Variants in CDK11B observed in about 807,000 individuals in gnomAD.
CDK11B encodes cyclin dependent kinase 11B, also known as cyclin-dependent kinase 11B.
Under a neutral mutation model 84.0 loss-of-function variants are expected in CDK11B, and 37 were observed. That is an observed-to-expected ratio of 0.44 (90% CI 0.34 to 0.58). The LOEUF (loss-of-function observed/expected upper bound fraction) is 0.58. Ranked by LOEUF, CDK11B falls within the 20% of genes least tolerant of loss-of-function variation. The pLI is 0.02. For missense variants in CDK11B, 427 were observed against 834.0 expected (o/e 0.51, Z 6.01); for synonymous variants, 269 against 309.8 (o/e 0.87, Z 1.38).
At chr1:1,653,863 C>CACACACAAA (rs761317190) in intron 3 of CDK11B, among the ~76,000 whole-genome samples, 2 of 132,942 alleles carry the variant, frequency 1.5e-5, no homozygotes, top group South Asian at 2.2e-4. Flanking sequence ...CACACACACA[C>CACACACAAA]CCGAGCGTGG....
At chr1:1,649,035 C>G (rs1641544000) in intron 5 of CDK11B, among the ~76,000 whole-genome samples, 1 of 152,216 alleles carries the variant, frequency 6.6e-6, no homozygotes, top group Non-Finnish European at 1.5e-5. Flanking sequence ...GGACAGTTCT[C>G]TTGGTCAGCC....
At chr1:1,656,835 T>G (rs1331444290) in intron 2 of CDK11B, among the ~76,000 whole-genome samples, 1 of 152,160 alleles carries the variant, frequency 6.6e-6, no homozygotes, top group Non-Finnish European at 1.5e-5. Flanking sequence ...TTGGAAAAAT[T>G]TCAATATCTG....
At position 1,636,919 on chromosome 1, in the gene CDK11B, G is replaced by A. The variant is rs1557656551; in HGVS notation, c.1778C>T (p.Pro593Leu). The change falls in exon 16 of 20, where the codon CCA becomes CTA. Residue 593 changes from proline to leucine, a missense_variant. This residue lies in a region of CDK11B where 170 missense variants were observed against 196.0 expected (regional missense o/e 0.87). Transcript: ENST00000341832. The part of the protein sequence containing the change: ...PVVVTLWYRA[P>L]ELLLGAKEYS... ...CACCTTGGCACCAAGCAGCAGCTCT[G>A]GGGCGCGGTACCACAGGGTCACCAC... 1 of 1,606,242 alleles carries A rather than the reference G, an allele frequency of 6.2e-7. No individual in the cohort carries two copies. The highest frequency in any genetic ancestry group is 2.2e-5 in the East Asian group (1 of 44,742).
chr1:1,636,327 G>A lies in CDK11B; in HGVS notation c.2066+6C>T. Reference sequence around the variant, plus strand: ...ACCTCCCGCCACCCGGCTGCACTGGGCTCACTTGTTCATGAGGTCGAAGCC... The same window carrying A: ...ACCTCCCGCCACCCGGCTGCACTGGACTCACTTGTTCATGAGGTCGAAGCC... On this transcript the variant is annotated splice_donor_region_variant and intron_variant, in intron 18 of 19. Coordinates refer to ENST00000341832, the MANE Select transcript of CDK11B (RefSeq NM_033486.3). 1.3e-6 allele frequency: 2 copies of A among 1,563,634 alleles called. No homozygotes were observed. The highest frequency in any genetic ancestry group is 1.7e-6 in the Non-Finnish European group (2 of 1,155,238).
chr1:1,640,083 C>A (rs1298939874), intron 11 of CDK11B, among the ~76,000 whole-genome samples, 194 bp downstream of exon 11: 1 of 151,786 alleles, frequency 6.6e-6, no homozygotes, highest in Non-Finnish European at 1.5e-5. Context: ...CCACCCAGTT[C>A]CGTCCAGCAT....
chr1:1,650,876 G>A (rs1339575330), intron 4 of CDK11B, among the ~76,000 whole-genome samples: 1 of 151,722 alleles, frequency 6.6e-6, no homozygotes, highest in Non-Finnish European at 1.5e-5. Flanking sequence ...GAAGAAAGAA[G>A]AAAAAAGAAA....
rs888845003 is a variant in CDK11B, at chr1:1,658,947, G to A, written c.-47C>T. On this transcript the variant is annotated 5_prime_UTR_variant, in exon 1 of 20. Coordinates refer to ENST00000341832, the MANE Select transcript of CDK11B (RefSeq NM_033486.3). ...CGCCGCCGCTGCCGCCGCCGCCGCC[G>A]CCGGTCCCGGAGCCAGAGAAGAAAC... The A allele has an allele frequency of 8.7e-5, 18 of 206,316 alleles. No homozygotes were observed. Among genetic ancestry groups the A allele is most frequent in the Admixed American group, 3.7e-4 (6 of 16,134 alleles). The allele number at this position is 206,316 out of a possible 1,614,324, so 12.8% of individuals were successfully genotyped here.
chr1:1,652,644 A>G, intron 3 of CDK11B, 78 bp from the exon 4 acceptor site: 1 of 1,115,782 alleles, frequency 9.0e-7, no homozygotes, highest in Non-Finnish European at 1.2e-6. Flanking sequence ...GGTTTCTTCA[A>G]CCCAGAAAAA....
intron 5 of CDK11B, among the ~76,000 whole-genome samples, chr1:1,649,161 G>A (rs375182520): frequency 7.2e-5 from 11 of 151,986 alleles, no homozygotes; most frequent in African/African-American, 2.2e-4. Flanking sequence ...GTGCAGTGGC[G>A]GGATCTCAGC....
chr1:1,655,520 T>A lies in CDK11B; in HGVS notation c.112-36A>T, dbSNP rs540837138. The A allele has an allele frequency of 3.2e-6, 5 of 1,542,754 alleles. No homozygotes were observed. The South Asian group carries it at 6.1e-5, about 19-fold the overall frequency. On this transcript the variant is annotated intron_variant, in intron 2 of 19. Transcript: ENST00000341832. ...AAGAGAAAGTTAATCATTTTCTTTATAAGTTTTTTTTTCTTCATAGATAAA... is the reference window on the plus strand; with the variant it reads ...AAGAGAAAGTTAATCATTTTCTTTAAAAGTTTTTTTTTCTTCATAGATAAA...
At chr1:1,653,642 G>A (rs992058731) in intron 3 of CDK11B, among the ~76,000 whole-genome samples, 2 of 151,814 alleles carry the variant, frequency 1.3e-5, no homozygotes, top group South Asian at 4.2e-4. Context: ...ATTTAAACAA[G>A]GGCAGCTCAT....
chr1:1,650,268 C>CAAAAA (rs1212256890), intron 4 of CDK11B, among the ~76,000 whole-genome samples: 11 of 45,794 alleles, frequency 2.4e-4, no homozygotes, highest in South Asian at 8.0e-4. Context: ...GACTCCGTCC[C>CAAAAA]AAAAAAAAAA....
chr1:1,646,491 C>T (rs369514343), intron 5 of CDK11B: 1 of 519,820 alleles, frequency 1.9e-6, no homozygotes, highest in Non-Finnish European at 3.9e-6. Context: ...CCATTTATGC[C>T]ACATACCATG....
chr1:1,637,252 G>C, intron 14 of CDK11B, 50 bp from the exon 15 acceptor site: 1 of 1,604,940 alleles, frequency 6.2e-7, no homozygotes, highest in Non-Finnish European at 8.5e-7. Flanking sequence ...CCAGCCCAGG[G>C]CACTCAGGGT....
At chr1:1,653,862 A>ACACCCC (rs1491423617) in intron 3 of CDK11B, among the ~76,000 whole-genome samples, 1 of 143,540 alleles carries the variant, frequency 7.0e-6, no homozygotes, top group Non-Finnish European at 1.5e-5. Flanking sequence ...ACACACACAC[A>ACACCCC]CCCGAGCGTG....
chr1:1,650,664 CT>C (rs1185570412), intron 4 of CDK11B, among the ~76,000 whole-genome samples: 33,180 of 113,764 alleles, frequency 0.29, 5,654 homozygotes, highest in Non-Finnish European at 0.42. Context: ...CGCGCCCGGC[CT>C]TTTTTTTTTT....
chr1:1,652,300 G>A (rs1279332570), intron 4 of CDK11B, 139 bp downstream of exon 4: 7 of 642,414 alleles, frequency 1.1e-5, no homozygotes, highest in East Asian at 3.2e-5. Context: ...CATTCTGAAC[G>A]GTCTGTGACA....
rs1311382972 is a variant in CDK11B, at chr1:1,649,597, T to C, written c.396A>G (p.Glu132=). Residue 132 remains glutamate (E), a synonymous_variant, in exon 5 of 20, where the codon GAA becomes GAG. Coordinates refer to ENST00000341832, the MANE Select transcript of CDK11B (RefSeq NM_033486.3). ...GTTCTTCTCGATGCCGTTTCCGACG[T>C]TCGTGCTCTCTTTCTTTTTCTTTCA... is the stretch of plus-strand genomic sequence containing the variant. ...ARVKEKEREH[E]RRKRHREEQD... The C allele has an allele frequency of 7.5e-6, 12 of 1,608,968 alleles. No homozygotes were observed. Among genetic ancestry groups the C allele is most frequent in the Non-Finnish European group, 1.0e-5 (12 of 1,175,566 alleles).
At chr1:1,646,349 T>C in intron 5 of CDK11B, 1 of 464,974 alleles carries the variant, frequency 2.2e-6, no homozygotes, top group Non-Finnish European at 4.3e-6. Flanking sequence ...TTTGTACTTT[T>C]TAAAACACTA....
Sources: gnomAD v4.1 joint callset for allele counts (sites outside exome capture counted in the v4.1 genomes callset) on GRCh38, gnomAD v4.1.1 for gene constraint, gnomAD v4.1.1 regional missense constraint, MANE v1.5 for transcripts, NCBI Gene and HGNC (gene_info 2026-07-23, HGNC 2026-07-21) for gene names.